NXPH1: variants seen among roughly 807,000 people sequenced by gnomAD.
NXPH1 encodes the protein neurexophilin-1.
In NXPH1, 5 loss-of-function variants were observed where a neutral mutation model predicts 23.7. The observed-to-expected ratio is 0.21, with a 90% CI of 0.11 to 0.44. The LOEUF (loss-of-function observed/expected upper bound fraction) is 0.44. Ranked by LOEUF, NXPH1 falls within the 20% of genes least tolerant of loss-of-function variation. The pLI is 0.99. For missense variants in NXPH1, 324 were observed against 321.6 expected, an observed-to-expected ratio of 1.01 and a Z score of -0.06; for synonymous variants, 144 against 122.2, an observed-to-expected ratio of 1.18 and a Z score of -1.18.
chr7:8,620,222 G>C (rs536330933), intron 2 of NXPH1, among the ~76,000 whole-genome samples: 1 of 152,144 alleles, frequency 6.6e-6, no homozygotes, highest in Non-Finnish European at 1.5e-5. Context: ...CACTCAGTGA[G>C]TTTATTGAAA....
chr7:8,545,867 T>C (rs1278179702), intron 2 of NXPH1, among the ~76,000 whole-genome samples: 1 of 151,470 alleles, frequency 6.6e-6, no homozygotes, highest in African/African-American at 2.4e-5. Flanking sequence ...AGTTAGCTTA[T>C]GGCCAAATGG....
chr7:8,574,287 C>G (rs1818709335), intron 2 of NXPH1, among the ~76,000 whole-genome samples: 1 of 151,986 alleles, frequency 6.6e-6, no homozygotes, highest in Non-Finnish European at 1.5e-5. Flanking sequence ...AAATTAAAAA[C>G]ATTTTTTTAA....
chr7:8,695,798 T>C (rs1002968598), intron 2 of NXPH1, among the ~76,000 whole-genome samples: 1 of 152,208 alleles, frequency 6.6e-6, no homozygotes, highest in African/African-American at 2.4e-5. Context: ...TTTTAATCAA[T>C]AGGAAGCTTT....
At chr7:8,529,307 C>T (rs559432394) in intron 2 of NXPH1, among the ~76,000 whole-genome samples, 3 of 152,186 alleles carry the variant, frequency 2.0e-5, no homozygotes, top group Non-Finnish European at 4.4e-5. Flanking sequence ...GTGACGTAGT[C>T]ATAGATATGG....
chr7:8,462,739 G>A (rs1019834175), intron 2 of NXPH1, among the ~76,000 whole-genome samples: 2 of 152,086 alleles, frequency 1.3e-5, no homozygotes, highest in African/African-American at 4.8e-5. Flanking sequence ...ATTTTTATTT[G>A]CCAATGAAAA....
intron 2 of NXPH1, among the ~76,000 whole-genome samples, chr7:8,574,286 A>G (rs190010897): frequency 4.9e-4 from 74 of 152,212 alleles, no homozygotes; most frequent in African/African-American, 1.7e-3. Context: ...AAAATTAAAA[A>G]CATTTTTTTA....
intron 2 of NXPH1, among the ~76,000 whole-genome samples, chr7:8,452,553 A>G (rs150066241): frequency 1.3e-5 from 2 of 152,234 alleles, no homozygotes; most frequent in African/African-American, 4.8e-5. Context: ...AGAACTGTGA[A>G]TGTATGATGC....
At chr7:8,725,942 G>A (rs941473203) in intron 2 of NXPH1, among the ~76,000 whole-genome samples, 1 of 152,156 alleles carries the variant, frequency 6.6e-6, no homozygotes, top group Non-Finnish European at 1.5e-5. Context: ...AATGACACAG[G>A]AATGTTATTC....
chr7:8,663,370 C>T (rs989208), intron 2 of NXPH1, among the ~76,000 whole-genome samples: 96,491 of 151,936 alleles, frequency 0.64, 31,549 homozygotes, highest in Middle Eastern at 0.76. Flanking sequence ...TTTCTGGTCT[C>T]ACGATCCATC....
At chr7:8,523,608 T>G (rs1817811990) in intron 2 of NXPH1, among the ~76,000 whole-genome samples, 1 of 152,218 alleles carries the variant, frequency 6.6e-6, no homozygotes. Flanking sequence ...TAAGTAATCT[T>G]TTTTTCTTTT....
chr7:8,529,301 C>T (rs778569424), intron 2 of NXPH1, among the ~76,000 whole-genome samples: 22 of 152,194 alleles, frequency 1.4e-4, no homozygotes, highest in Admixed American at 9.8e-4. Context: ...TGTAAAGTGA[C>T]GTAGTCATAG....
intron 2 of NXPH1, among the ~76,000 whole-genome samples, chr7:8,475,647 T>C (rs1399497423): frequency 6.6e-6 from 1 of 152,168 alleles, no homozygotes; most frequent in Non-Finnish European, 1.5e-5. Flanking sequence ...TCAAAGGTTT[T>C]CTTCTTTGGT....
At chr7:8,629,752 A>G (rs1390775646) in intron 2 of NXPH1, among the ~76,000 whole-genome samples, 2 of 152,164 alleles carry the variant, frequency 1.3e-5, no homozygotes, top group African/African-American at 4.8e-5. Context: ...TACCATCTGC[A>G]GTATATTACA....
intron 2 of NXPH1, among the ~76,000 whole-genome samples, chr7:8,724,531 G>C (rs577968833): frequency 1.1e-3 from 166 of 152,278 alleles, no homozygotes; most frequent in Middle Eastern, 6.8e-3. Flanking sequence ...GGGAATTTCT[G>C]AAAATATATA....
intron 2 of NXPH1, among the ~76,000 whole-genome samples, chr7:8,540,444 TGAGCCCCAC>T (rs1222769238): frequency 6.6e-5 from 10 of 151,828 alleles, no homozygotes; most frequent in African/African-American, 2.4e-4. Flanking sequence ...ATAAACAAGG[TGAGCCCCAC>T]AGTTTCCCTT....
intron 2 of NXPH1, among the ~76,000 whole-genome samples, chr7:8,692,992 G>A (rs1245756345): frequency 1.3e-5 from 2 of 152,116 alleles, no homozygotes; most frequent in Non-Finnish European, 2.9e-5. Context: ...CAAGCCCACA[G>A]CTGATATCTT....
At chr7:8,725,806 T>G (rs1191631310) in intron 2 of NXPH1, among the ~76,000 whole-genome samples, 1 of 103,408 alleles carries the variant, frequency 9.7e-6, no homozygotes, top group Admixed American at 1.1e-4. Flanking sequence ...CTTTACCTAT[T>G]TTTTTTTATT....
intron 2 of NXPH1, among the ~76,000 whole-genome samples, chr7:8,623,884 A>C (rs966877174): frequency 9.2e-5 from 14 of 152,060 alleles, no homozygotes; most frequent in Admixed American, 3.3e-4. Flanking sequence ...CCCCATCCCT[A>C]TCTCTGTATA....
intron 2 of NXPH1, among the ~76,000 whole-genome samples, chr7:8,718,985 A>C (rs1173248703): frequency 6.6e-6 from 1 of 152,216 alleles, no homozygotes; most frequent in Non-Finnish European, 1.5e-5. Context: ...TTATGCAGTA[A>C]ATTGTCCAAC....
Sources: allele counts gnomAD v4.1 joint callset (sites outside exome capture counted in the v4.1 genomes callset), GRCh38; gene constraint gnomAD v4.1.1; transcripts MANE v1.5; gene names NCBI Gene and HGNC (gene_info 2026-07-23, HGNC 2026-07-21).